Variants in ANK1 observed in about 807,000 individuals in gnomAD.
ANK1 encodes the protein ankyrin 1.
In ANK1, 51 loss-of-function variants were observed where a neutral mutation model predicts 210.4. That is an observed-to-expected ratio of 0.24 (90% CI 0.19 to 0.31). The LOEUF (loss-of-function observed/expected upper bound fraction) is 0.31, where lower values mean the gene tolerates loss of function less well. Among genes scored for constraint, ANK1 ranks in the 10% least tolerant of loss-of-function variants. The pLI is 1.00. For synonymous variants in ANK1, 967 were observed against 1,025.9 expected, an observed-to-expected ratio of 0.94 and a Z score of 1.10; for missense variants, 2,051 against 2,504.4, an observed-to-expected ratio of 0.82 and a Z score of 3.86.
intron 16 of ANK1, among the ~76,000 whole-genome samples, chr8:41,710,712 C>T (rs1327694872): frequency 1.3e-5 from 2 of 152,260 alleles, no homozygotes; most frequent in African/African-American, 2.4e-5. Flanking sequence ...GATTTCCCCA[C>T]CTCGGCCAGC....
In ANK1 at chr8:41,713,110, C is replaced by T. The variant is rs569839287; in HGVS notation, c.1800+1046G>A. 2.6e-5 allele frequency among the ~76,000 whole-genome samples: 4 copies of T among 152,338 alleles called. No homozygotes were observed. The South Asian group carries it at 6.2e-4, about 24-fold the overall frequency. ...ACGCTCCCTGCCTGGGCTGCGGAGGCCCTAAGCCAGCAGGTGTTGGCTGGA... is the reference window on the plus strand; with the variant it reads ...ACGCTCCCTGCCTGGGCTGCGGAGGTCCTAAGCCAGCAGGTGTTGGCTGGA... On this transcript the variant is annotated intron_variant, in intron 16 of 42. Coordinates refer to ENST00000289734, the MANE Select transcript of ANK1 (RefSeq NM_000037.4).
chr8:41,834,753 G>A (rs1377354452), intron 1 of ANK1, among the ~76,000 whole-genome samples: 1 of 152,220 alleles, frequency 6.6e-6, no homozygotes, highest in South Asian at 2.1e-4. Context: ...GAGGGATTCC[G>A]GAGCACCTGG....
rs1554630756 is a variant in ANK1 at position 41,802,995 on chromosome 8, G to GAGAGAGAAAGAAAGAA, written c.127-44859_127-44858insTTCTTTCTTTCTCTCT. Among the ~76,000 whole-genome samples the GAGAGAGAAAGAAAGAA allele has an allele frequency of 1.1e-3, 62 of 57,532 alleles. 4 individuals carry two copies. The highest frequency in any genetic ancestry group is 1.7e-3 in the Admixed American group (8 of 4,708). 37.7% of individuals were successfully genotyped at this position (57,532 alleles called of 152,430 possible). A position where few individuals can be genotyped will look rare whatever the true frequency, so the allele number is the denominator to read the frequency against. ...AGATGAAAAAAGAAAGAGAGAAAGA[G>GAGAGAGAAAGAAAGAA]AGAAAGAAAGAAAGAAAGAAAGAAA... On this transcript the variant is annotated intron_variant, in intron 1 of 42. Coordinates refer to the ANK1 transcript ENST00000265709.
At chr8:41,816,244 A>G (rs990893267) in intron 1 of ANK1, among the ~76,000 whole-genome samples, 1 of 152,204 alleles carries the variant, frequency 6.6e-6, no homozygotes, top group African/African-American at 2.4e-5. Context: ...AAAAAGTTAA[A>G]TAATTGGACT....
At chr8:41,669,850 C>T (rs1284069319) in intron 38 of ANK1, among the ~76,000 whole-genome samples, 2 of 152,184 alleles carry the variant, frequency 1.3e-5, no homozygotes, top group African/African-American at 2.4e-5. Context: ...GCAGCTTACC[C>T]TGCTCACCAT....
chr8:41,872,253 G>A (rs147187744), intron 1 of ANK1, among the ~76,000 whole-genome samples: 292 of 152,320 alleles, frequency 1.9e-3, no homozygotes, highest in African/African-American at 4.7e-3. Flanking sequence ...GAAGAGCAGC[G>A]TCCCCACAGG....
Position 41,696,425 on chromosome 8 carries a change from G to A in ANK1, c.2898C>T (p.Ala966=), listed in dbSNP as rs201496394. 24 of 1,613,250 alleles carry A rather than the reference G, an allele frequency of 1.5e-5. No individual in the cohort carries two copies. The highest frequency in any genetic ancestry group is 3.3e-5 in the South Asian group (3 of 91,056). ...TCCTGCTGGCCAGGCCCTCCTCCTC[G>A]GCCAGTGGGGGCGGCGTGCTGAGCT... ...PQKLSTPPPL[A]EEEGLASRII... Residue 966 remains alanine, a synonymous_variant, in exon 26 of 43, where the codon GCC becomes GCT. Coordinates refer to ENST00000289734, the MANE Select transcript of ANK1 (RefSeq NM_000037.4).
At chr8:41,722,988 CT>C in intron 9 of ANK1, 136 bp downstream of exon 9, 1 of 832,544 alleles carries the variant, frequency 1.2e-6, no homozygotes, top group Non-Finnish European at 2.0e-6. Flanking sequence ...CGTGATAGGC[CT>C]TGTAATAAAT....
chr8:41,834,992 GC>G (rs1807367789), intron 1 of ANK1, among the ~76,000 whole-genome samples: 1 of 152,216 alleles, frequency 6.6e-6, no homozygotes, highest in South Asian at 2.1e-4. Context: ...ACATCATCCT[GC>G]CCCAGAACGG....
intron 2 of ANK1, among the ~76,000 whole-genome samples, chr8:41,744,198 A>G (rs1484922450): frequency 6.6e-6 from 1 of 152,036 alleles, no homozygotes; most frequent in Admixed American, 6.6e-5. Flanking sequence ...CAAATCCATG[A>G]GTCCAAACAG....
intron 1 of ANK1, among the ~76,000 whole-genome samples, chr8:41,763,213 C>A (rs376569789): frequency 6.1e-3 from 795 of 130,210 alleles, no homozygotes; most frequent in Middle Eastern, 0.02. Context: ...GACTCTGTCT[C>A]AAAAAAAAAA....
At chr8:41,674,227 A>G (rs553996070) in intron 37 of ANK1, among the ~76,000 whole-genome samples, 10 of 152,156 alleles carry the variant, frequency 6.6e-5, no homozygotes, top group African/African-American at 1.2e-4. Flanking sequence ...TCACTGTTCA[A>G]CCAAAATAAG....
In ANK1 at chr8:41,832,982, C is replaced by T. The variant is rs60261820; in HGVS notation, c.126+63373G>A. 8.7e-3 allele frequency among the ~76,000 whole-genome samples: 1,329 copies of T among 152,300 alleles called. 35 individuals are homozygous for T. Among genetic ancestry groups the T allele is most frequent in the African/African-American group, 0.031 (1,276 of 41,566 alleles). On this transcript the variant is annotated intron_variant, in intron 1 of 42. Coordinates refer to the ANK1 transcript ENST00000265709. ...GTCTGTTAGCCAAACTCTCAAGACA[C>T]CTGCCCCAAAACAACCTGGGGTGCT...
intron 10 of ANK1, 53 bp from the exon 11 acceptor site, chr8:41,718,257 AG>A (rs1828270205): frequency 2.5e-6 from 4 of 1,576,972 alleles, no homozygotes; most frequent in Admixed American, 1.7e-5. Flanking sequence ...CACGGGCCCA[AG>A]GAACGCCCAG....
At chr8:41,684,480 T>A in intron 37 of ANK1, 64 bp downstream of exon 37, 1 of 1,601,038 alleles carries the variant, frequency 6.2e-7, no homozygotes, top group East Asian at 2.2e-5. Flanking sequence ...GAAGGGGTTA[T>A]TGGTGCTGAT....
intron 1 of ANK1, among the ~76,000 whole-genome samples, chr8:41,857,326 G>A (rs112861610): frequency 0.015 from 2,338 of 151,434 alleles, 69 homozygotes; most frequent in African/African-American, 0.053. Flanking sequence ...GGCCGGGCGC[G>A]GTGGCTCATG....
At position 41,694,990 on chromosome 8, in the gene ANK1, C is replaced by A. The variant is rs567936768; in HGVS notation, c.3115+187G>T. The stretch of plus-strand genomic sequence containing the variant: ...GCCCAGAGGCCCAGCAGAGCAGATG[C>A]GGCTGCAGGCAGCCGCTGAGCATCC... On this transcript the variant is annotated intron_variant, in intron 27 of 42. Coordinates refer to ENST00000289734, the MANE Select transcript of ANK1 (RefSeq NM_000037.4). This position sits in a 1 kb window ranked among gnomAD's most constrained non-coding sequence, Gnocchi z 5.7. Among the ~76,000 whole-genome samples, 1 of 152,176 alleles carries A rather than the reference C, an allele frequency of 6.6e-6. No homozygotes were observed. Among genetic ancestry groups the A allele is most frequent in the Non-Finnish European group, 1.5e-5 (1 of 68,032 alleles).
chr8:41,747,185 G>A (rs1201346168), intron 2 of ANK1, among the ~76,000 whole-genome samples: 1 of 152,202 alleles, frequency 6.6e-6, no homozygotes, highest in African/African-American at 2.4e-5. Flanking sequence ...GCCAAGGCTT[G>A]TCAAAACGGA....
intron 17 of ANK1, among the ~76,000 whole-genome samples, chr8:41,706,679 T>G (rs1824673816): frequency 6.6e-6 from 1 of 152,150 alleles, no homozygotes; most frequent in African/African-American, 2.4e-5. Flanking sequence ...ATTTCCATGG[T>G]GAATTTCAGA....
Sources: gnomAD v4.1 joint callset for allele counts (sites outside exome capture counted in the v4.1 genomes callset) on GRCh38, gnomAD v4.1.1 for gene constraint, Gnocchi (gnomAD v3.1) non-coding constraint, MANE v1.5 for transcripts, NCBI Gene and HGNC (gene_info 2026-07-23, HGNC 2026-07-21) for gene names.